The following CCNY variants were observed in gnomAD, a reference collection of about 807,000 sequenced individuals.
CCNY encodes the protein cyclin Y.
In CCNY, 19 loss-of-function variants were observed where a neutral mutation model predicts 42.8. The ratio of observed to expected loss-of-function variants is 0.44; its 90% CI spans 0.31 to 0.65. The LOEUF is 0.65. Ranked by LOEUF, CCNY falls within the 30% of genes least tolerant of loss-of-function variation. CCNY has a pLI of 0.07. For missense variants in CCNY, 370 were observed against 437.3 expected (o/e 0.85, Z 1.37); for synonymous variants, 165 against 162.7 (o/e 1.01, Z -0.11).
intron 3 of CCNY, among the ~76,000 whole-genome samples, chr10:35,275,785 A>T (rs12269435): frequency 0.015 from 2,337 of 152,094 alleles, 49 homozygotes; most frequent in African/African-American, 0.039. Flanking sequence ...GAGTGTGTCC[A>T]GTCTTATTGT....
intron 1 of CCNY, among the ~76,000 whole-genome samples, chr10:35,348,169 T>A (rs965192651): frequency 6.6e-6 from 1 of 152,256 alleles, no homozygotes; most frequent in African/African-American, 2.4e-5. Context: ...GATTGTGTTC[T>A]ATATTCTGAA....
At chr10:35,327,833 C>T (rs1345743057) in intron 3 of CCNY, 2 of 152,266 alleles carry the variant, frequency 1.3e-5, no homozygotes, top group African/African-American at 4.8e-5. Flanking sequence ...ATGTTTTCCT[C>T]TAAGTGCTCC....
chr10:35,567,152 A>G (rs1841588663), intron 9 of CCNY, among the ~76,000 whole-genome samples: 1 of 152,260 alleles, frequency 6.6e-6, no homozygotes, highest in African/African-American at 2.4e-5. Flanking sequence ...AAAAGCTGCC[A>G]AATGATATTA....
chr10:35,570,825 G>C lies in CCNY; in HGVS notation c.*1655G>C, dbSNP rs1841671800. On this transcript the variant is annotated 3_prime_UTR_variant, in exon 10 of 10. Coordinates refer to ENST00000374704, the MANE Select transcript of CCNY (RefSeq NM_145012.6). Reference sequence around the variant, plus strand: ...ATCCCAAGAACTCCAAGCCAAAAGTGTTAGGTTTTAGTGAAATTTGTGTCA... The same window carrying C: ...ATCCCAAGAACTCCAAGCCAAAAGTCTTAGGTTTTAGTGAAATTTGTGTCA... 1 of 152,350 alleles carries C rather than the reference G, an allele frequency of 6.6e-6. No homozygotes were observed. Among genetic ancestry groups the C allele is most frequent in the South Asian group, 2.1e-4 (1 of 4,832 alleles). The allele number at this position is 152,350 out of a possible 1,614,324, so 9.4% of individuals were successfully genotyped here.
chr10:35,392,761 G>T (rs1445787147), intron 1 of CCNY, among the ~76,000 whole-genome samples: 1 of 152,230 alleles, frequency 6.6e-6, no homozygotes, highest in Non-Finnish European at 1.5e-5. Flanking sequence ...CCAGGTGACA[G>T]GACTGGTGGG....
intron 1 of CCNY, among the ~76,000 whole-genome samples, chr10:35,472,272 A>G (rs1839406207): frequency 6.6e-6 from 1 of 152,244 alleles, no homozygotes; most frequent in African/African-American, 2.4e-5. Flanking sequence ...GCCCAAGGCC[A>G]TAGAGCTAGC....
At chr10:35,298,363 T>C (rs1232201950) in intron 3 of CCNY, among the ~76,000 whole-genome samples, 1 of 152,242 alleles carries the variant, frequency 6.6e-6, no homozygotes, top group African/African-American at 2.4e-5. Flanking sequence ...TTTGTGTCAC[T>C]ATTGATTAGT....
At chr10:35,257,270 C>T (rs1161281648) in intron 3 of CCNY, among the ~76,000 whole-genome samples, 1 of 136,088 alleles carries the variant, frequency 7.3e-6, no homozygotes, top group Non-Finnish European at 1.6e-5. Context: ...TTCTCCCTTT[C>T]TTTTTTTCCT....
chr10:35,544,204 T>G (rs1841064931), intron 7 of CCNY, among the ~76,000 whole-genome samples: 1 of 152,192 alleles, frequency 6.6e-6, no homozygotes, highest in Non-Finnish European at 1.5e-5. Context: ...CACTCACCAC[T>G]CACTCACTTA....
At chr10:35,273,701 A>G (rs1340139073) in intron 3 of CCNY, among the ~76,000 whole-genome samples, 1 of 152,102 alleles carries the variant, frequency 6.6e-6, no homozygotes, top group Non-Finnish European at 1.5e-5. Context: ...GTCAGACAAC[A>G]TCAACTCTCG....
At chr10:35,495,935 C>G (rs1839994925) in intron 2 of CCNY, among the ~76,000 whole-genome samples, 1 of 152,186 alleles carries the variant, frequency 6.6e-6, no homozygotes, top group Admixed American at 6.5e-5. Context: ...TTATTGAAAA[C>G]TGTAGGAACT....
At chr10:35,370,208 G>A (rs1358031915) in intron 1 of CCNY, among the ~76,000 whole-genome samples, 1 of 150,950 alleles carries the variant, frequency 6.6e-6, no homozygotes, top group African/African-American at 2.4e-5. Context: ...CTGGAGGGCC[G>A]TGGCACGATC....
chr10:35,569,320 A>C lies in CCNY; in HGVS notation c.*150A>C. The C allele has an allele frequency of 1.6e-6, 1 of 627,024 alleles. No homozygotes were observed. 38.8% of individuals were successfully genotyped at this position (627,024 alleles called of 1,614,324 possible). On this transcript the variant is annotated 3_prime_UTR_variant, in exon 10 of 10. Coordinates refer to ENST00000374704, the MANE Select transcript of CCNY (RefSeq NM_145012.6). The stretch of plus-strand genomic sequence containing the variant: ...AAGCTGCCTGGATGAGCGCCCATGC[A>C]GCAAGGCTTGGAGGAAGCGTCAGTG...
intron 1 of CCNY, among the ~76,000 whole-genome samples, chr10:35,372,875 T>G (rs1836968855): frequency 6.6e-6 from 1 of 152,072 alleles, no homozygotes; most frequent in Non-Finnish European, 1.5e-5. Context: ...AATTTTTGTA[T>G]TTTTTAGAGA....
At chr10:35,402,205 G>A (rs181930817) in intron 1 of CCNY, among the ~76,000 whole-genome samples, 2 of 152,188 alleles carry the variant, frequency 1.3e-5, no homozygotes, top group African/African-American at 4.8e-5. Flanking sequence ...GGGGTAAGGG[G>A]TGATATTGTG....
At chr10:35,302,358 T>C (rs1296563606) in intron 3 of CCNY, among the ~76,000 whole-genome samples, 6 of 150,812 alleles carry the variant, frequency 4.0e-5, no homozygotes, top group Admixed American at 1.3e-4. Flanking sequence ...TCACCCAGGC[T>C]GGAGTGCAGT....
intron 2 of CCNY, among the ~76,000 whole-genome samples, chr10:35,485,342 C>A (rs1329263650): frequency 6.6e-6 from 1 of 152,186 alleles, no homozygotes; most frequent in Non-Finnish European, 1.5e-5. Context: ...ACTTTTTGGC[C>A]TTCTGTTTTC....
chr10:35,352,177 C>G (rs1300904862), intron 1 of CCNY, among the ~76,000 whole-genome samples: 1 of 151,994 alleles, frequency 6.6e-6, no homozygotes, highest in African/African-American at 2.4e-5. Context: ...TTTCAGAGTT[C>G]AAGAGTGGTG....
Position 35,377,227 on chromosome 10 carries a change from C to T in CCNY, c.154+40020C>T, listed in dbSNP as rs144528807. Among the ~76,000 whole-genome samples, 22 of 152,212 alleles carry T rather than the reference C, an allele frequency of 1.4e-4. No individual in the cohort carries two copies. In the East Asian group the frequency reaches 3.9e-3, roughly 27 times the overall value. ...GTTGACAGTAGTGTACAGTAATGTC[C>T]TCAGCCTTCACATTGACTCAGCACT... On this transcript the variant is annotated intron_variant, in intron 1 of 9. Coordinates refer to ENST00000374704, the MANE Select transcript of CCNY (RefSeq NM_145012.6).
Sources: gnomAD v4.1 joint callset for allele counts (sites outside exome capture counted in the v4.1 genomes callset) on GRCh38, gnomAD v4.1.1 for gene constraint, MANE v1.5 for transcripts, NCBI Gene and HGNC (gene_info 2026-07-23, HGNC 2026-07-21) for gene names.